Variants in ZNF816 observed in about 807,000 individuals in gnomAD.
The protein encoded by ZNF816 is zinc finger protein 816A.
A neutral mutation model predicts 8.3 loss-of-function variants in ZNF816; 11 were observed. The ratio of observed to expected loss-of-function variants is 1.32; its 90% CI spans 0.83 to 2.19. ZNF816 has a LOEUF of 2.19. ZNF816 is among the 30% of genes most tolerant of loss of function. The pLI, the probability that ZNF816 is intolerant of heterozygous loss-of-function variation, is 0.00. For missense variants in ZNF816, 710 were observed against 779.3 expected, an observed-to-expected ratio of 0.91 and a Z score of 1.06; for synonymous variants, 255 against 254.5, an observed-to-expected ratio of 1.00 and a Z score of -0.02.
In ZNF816 at chr19:52,949,522, C is replaced by T. The variant is rs2083435026; in HGVS notation, c.*297G>A. ...AAGGCATCTGTCCAGTATGAATTCT[C>T]TGATGTCTAATGAGGTGTGAACATG... is the stretch of plus-strand genomic sequence containing the variant. On this transcript the variant is annotated 3_prime_UTR_variant, in exon 4 of 4. Coordinates refer to ENST00000444460, the MANE Select transcript of ZNF816 (RefSeq NM_001202457.3). 2 of 617,352 alleles carry T rather than the reference C, an allele frequency of 3.2e-6. No homozygotes were observed. Among genetic ancestry groups the T allele is most frequent in the African/African-American group, 1.8e-5 (1 of 55,626 alleles). 38.2% of individuals were successfully genotyped at this position (617,352 alleles called of 1,614,324 possible).
intron 2 of ZNF816, among the ~76,000 whole-genome samples, chr19:52,954,989 A>G (rs2083497604): frequency 6.6e-6 from 1 of 152,126 alleles, no homozygotes. Flanking sequence ...GCATAAGTGC[A>G]CTTTTCTTTG....
At chr19:52,955,514 C>T (rs1007136794) in intron 2 of ZNF816, among the ~76,000 whole-genome samples, 3 of 152,162 alleles carry the variant, frequency 2.0e-5, no homozygotes, top group African/African-American at 7.2e-5. Flanking sequence ...AGAGTGACAC[C>T]GTGTCTCTTA....
chr19:52,949,835 TC>T lies in ZNF816; in HGVS notation c.1939del (p.Glu647LysfsTer47), dbSNP rs2083438036. The T allele has an allele frequency of 2.5e-6, 4 of 1,613,492 alleles. No individual in the cohort carries two copies. On this transcript the variant is annotated frameshift_variant, in exon 4 of 4. Coordinates refer to ENST00000444460, the MANE Select transcript of ZNF816 (RefSeq NM_001202457.3). LOFTEE classifies it high-confidence loss of function. ...TGACAATCATTACATTTGTAAAGTT[TC>T]CCTACACCCATGGATTGCTTGATGG... ...IHHQAIHGCRETLQM is the reference protein window; with the variant it reads ...IHHQAIHGCRXTLQM
At chr19:52,956,177 C>A (rs1002887116) in intron 1 of ZNF816, 73 bp from the exon 2 acceptor site, 8 of 1,496,326 alleles carry the variant, frequency 5.3e-6, no homozygotes, top group Non-Finnish European at 7.2e-6. Context: ...AACACACACA[C>A]AGGGGAAACC....
At chr19:52,953,247 A>AC (rs887918188) in intron 2 of ZNF816, 25 of 269,356 alleles carry the variant, frequency 9.3e-5, no homozygotes, top group African/African-American at 5.5e-4. Context: ...CAAAAAAAAA[A>AC]CCAGGTGTGG....
intron 2 of ZNF816, among the ~76,000 whole-genome samples, chr19:52,953,553 TATATA>T (rs1321041665): frequency 2.1e-5 from 1 of 46,598 alleles, no homozygotes; most frequent in Non-Finnish European, 3.5e-5. Context: ...TACAATATTA[TATATA>T]ATATGTATTT....
chr19:52,952,726 A>G (rs781500056), intron 3 of ZNF816, 25 bp downstream of exon 3: 24 of 1,613,006 alleles, frequency 1.5e-5, no homozygotes, highest in Non-Finnish European at 2.0e-5. Context: ...CAGATTCCTC[A>G]TGTCTGGAGG....
chr19:52,954,917 T>C (rs1371248534), intron 2 of ZNF816, among the ~76,000 whole-genome samples: 1 of 150,978 alleles, frequency 6.6e-6, no homozygotes, highest in Non-Finnish European at 1.5e-5. Flanking sequence ...GCCACAGAAC[T>C]CTCAACAGCG....
rs762556572 is a variant in ZNF816, at chr19:52,950,989, A to G, written c.786T>C (p.Cys262=). The G allele has an allele frequency of 3.1e-6, 5 of 1,614,188 alleles. No homozygotes were observed. In the East Asian group the frequency reaches 1.1e-4, roughly 36 times the overall value. Residue 262 remains cysteine, a synonymous_variant, in exon 4 of 4, where the codon TGT becomes TGC. Transcript: ENST00000444460. ...SREREYKCDV[C]GKIFNQKQYI... is the part of the protein sequence containing the mutation. ...ATTGCTTCTGATTAAAGATCTTGCC[A>G]CATACATCACATTTATATTCTCTCT...
chr19:52,961,948 T>G (rs1298248822), intron 1 of ZNF816, among the ~76,000 whole-genome samples: 1 of 152,166 alleles, frequency 6.6e-6, no homozygotes, highest in East Asian at 1.9e-4. Context: ...CCTCAGTTAT[T>G]AGACAATACT....
At chr19:52,958,573 C>A (rs1436181110) in intron 1 of ZNF816, among the ~76,000 whole-genome samples, 2 of 152,172 alleles carry the variant, frequency 1.3e-5, no homozygotes, top group African/African-American at 4.8e-5. Flanking sequence ...TGTTAGGACA[C>A]CCCATGGCAG....
chr19:52,951,730 T>C, intron 3 of ZNF816, 146 bp from the exon 4 acceptor site: 1 of 785,106 alleles, frequency 1.3e-6, no homozygotes, highest in Non-Finnish European at 1.9e-6. Flanking sequence ...ACACACTGTC[T>C]CTACTGAACA....
chr19:52,952,714 T>G (rs7508016), intron 3 of ZNF816, 37 bp downstream of exon 3: 4 of 1,610,944 alleles, frequency 2.5e-6, no homozygotes, highest in Non-Finnish European at 3.4e-6. Context: ...GATAGACAAG[T>G]GCAGATTCCT....
rs1253434930 is a variant in ZNF816, at chr19:52,949,810, T to G, written c.*9A>C. On this transcript the variant is annotated 3_prime_UTR_variant, in exon 4 of 4. Transcript: ENST00000444460. ...GGTTGTAGCATTACTGAAGACTTTG[T>G]GACAATCATTACATTTGTAAAGTTT... is the stretch of plus-strand genomic sequence containing the variant. 1.2e-6 allele frequency: 2 copies of G among 1,613,568 alleles called. No homozygotes were observed.
chr19:52,961,199 T>C lies in ZNF816; in HGVS notation c.-16+1528A>G, dbSNP rs184779820. ...CTATGGGTTATAACCCATCTAAGCCTCCTGCAACCACCGTTTTTCAAATAA... is the reference window on the plus strand; with the variant it reads ...CTATGGGTTATAACCCATCTAAGCCCCCTGCAACCACCGTTTTTCAAATAA... On this transcript the variant is annotated intron_variant, in intron 1 of 3. Transcript: ENST00000444460. Among the ~76,000 whole-genome samples the C allele has an allele frequency of 6.7e-3, 1,023 of 152,300 alleles. 5 individuals carry two copies. Among genetic ancestry groups the C allele is most frequent in the African/African-American group, 0.018 (734 of 41,558 alleles).
intron 1 of ZNF816, among the ~76,000 whole-genome samples, chr19:52,958,717 C>T (rs2083531163): frequency 6.6e-6 from 1 of 152,162 alleles, no homozygotes. Flanking sequence ...AGGGGGAGCG[C>T]AGCCTGGGAT....
intron 3 of ZNF816, 92 bp from the exon 4 acceptor site, chr19:52,951,676 A>G: frequency 8.1e-7 from 1 of 1,232,550 alleles, no homozygotes; most frequent in Non-Finnish European, 1.1e-6. Flanking sequence ...ACAAAAAGCA[A>G]TACTTATTTT....
intron 1 of ZNF816, among the ~76,000 whole-genome samples, chr19:52,962,179 C>A (rs1003498755): frequency 6.6e-6 from 1 of 152,036 alleles, no homozygotes; most frequent in Non-Finnish European, 1.5e-5. Flanking sequence ...CTAGTCCAGG[C>A]ACAGAGACTA....
Position 52,950,781 on chromosome 19 carries a change from G to A in ZNF816, c.994C>T (p.Arg332Cys), listed in dbSNP as rs143850515. The A allele has an allele frequency of 8.4e-5, 135 of 1,613,158 alleles. 3 individuals carry two copies. In the African/African-American group the frequency reaches 1.5e-3, roughly 18 times the overall value. Residue 332 changes from arginine to cysteine, a missense_variant, in exon 4 of 4, where the codon CGT becomes TGT. By Grantham distance (180) the Arg-to-Cys change is radical. Coordinates refer to ENST00000444460, the MANE Select transcript of ZNF816 (RefSeq NM_001202457.3). The stretch of plus-strand genomic sequence containing the variant: ...GGTTTCTCTCCAGTATGAAGTCTAC[G>A]ATGGCATCTAAGGGATGACTTCTCA... ...FSEKSSLRCHRRLHTGEKPYK... is the reference protein window; with the variant it reads ...FSEKSSLRCHCRLHTGEKPYK...
Sources: gnomAD v4.1 joint callset for allele counts (sites outside exome capture counted in the v4.1 genomes callset) on GRCh38, gnomAD v4.1.1 for gene constraint, MANE v1.5 for transcripts, NCBI Gene and HGNC (gene_info 2026-07-23, HGNC 2026-07-21) for gene names.